C12orf50: variants seen among roughly 807,000 people sequenced by gnomAD.
C12orf50 encodes uncharacterized protein C12orf50.
Under a neutral mutation model 61.6 loss-of-function variants are expected in C12orf50, and 35 were observed. The observed-to-expected ratio is 0.57, with a 90% CI of 0.43 to 0.75. The LOEUF is 0.75. C12orf50 is among the 30% of genes least tolerant of loss of function. C12orf50 has a pLI of 0.00. For synonymous variants in C12orf50, 178 were observed against 161.5 expected (o/e 1.10, Z -0.77); for missense variants, 475 against 488.5 (o/e 0.97, Z 0.26).
At chr12:88,021,218 C>T (rs1368777041) in intron 3 of C12orf50, among the ~76,000 whole-genome samples, 1 of 151,228 alleles carries the variant, frequency 6.6e-6, no homozygotes, top group East Asian at 1.9e-4. Flanking sequence ...CACAAAAAGC[C>T]ATACAAAAGA....
chr12:88,004,582 G>A (rs2031781680), intron 3 of C12orf50, among the ~76,000 whole-genome samples: 1 of 152,122 alleles, frequency 6.6e-6, no homozygotes, highest in Non-Finnish European at 1.5e-5. Context: ...ACATGCATGT[G>A]TATGTTCATC....
chr12:88,009,428 T>A (rs1179950449), intron 3 of C12orf50, among the ~76,000 whole-genome samples: 1 of 152,100 alleles, frequency 6.6e-6, no homozygotes, highest in African/African-American at 2.4e-5. Flanking sequence ...ACATTTTAAT[T>A]TCTTCCTTTT....
intron 3 of C12orf50, among the ~76,000 whole-genome samples, chr12:88,016,044 A>T (rs796076304): frequency 6.6e-6 from 1 of 152,182 alleles, no homozygotes; most frequent in African/African-American, 2.4e-5. Flanking sequence ...TACTGGAAGA[A>T]CACAGCCGGT....
intron 5 of C12orf50, 32 bp downstream of exon 5, chr12:87,996,537 A>C (rs751501906): frequency 6.3e-7 from 1 of 1,592,668 alleles, no homozygotes; most frequent in Non-Finnish European, 8.6e-7. Flanking sequence ...CACATCAAGT[A>C]TTAGAAAATA....
At chr12:87,985,231 C>G (rs2030745982) in intron 11 of C12orf50, 1 of 152,052 alleles carries the variant, frequency 6.6e-6, no homozygotes, top group Admixed American at 6.6e-5. Context: ...GTTTAGAGAA[C>G]TGAAACCCAA....
At chr12:88,025,859 G>A (rs2032684785) in intron 3 of C12orf50, among the ~76,000 whole-genome samples, 2 of 152,190 alleles carry the variant, frequency 1.3e-5, no homozygotes, top group Admixed American at 1.3e-4. Flanking sequence ...TCTTCAGCAA[G>A]GTTCTTACCA....
chr12:87,994,764 A>T (rs1282536683), intron 6 of C12orf50, 21 bp from the exon 7 acceptor site: 2 of 1,489,742 alleles, frequency 1.3e-6, no homozygotes, highest in Non-Finnish European at 1.9e-6. Flanking sequence ...GAAGAAAAAA[A>T]AGTCACCCCA....
At chr12:88,023,180 T>G (rs999856256) in intron 3 of C12orf50, among the ~76,000 whole-genome samples, 1 of 151,972 alleles carries the variant, frequency 6.6e-6, no homozygotes, top group Non-Finnish European at 1.5e-5. Context: ...TGGAATAGAA[T>G]AGAAAGTCTA....
chr12:87,985,796 C>A, intron 11 of C12orf50, 54 bp downstream of exon 11: 1 of 1,579,282 alleles, frequency 6.3e-7, no homozygotes, highest in Non-Finnish European at 8.7e-7. Context: ...TCAAGAAATT[C>A]CATGGGAATG....
chr12:88,011,901 G>C (rs181269558), intron 3 of C12orf50, among the ~76,000 whole-genome samples: 2 of 152,076 alleles, frequency 1.3e-5, no homozygotes, highest in African/African-American at 4.8e-5. Flanking sequence ...CCTTAAAACC[G>C]GTAATATACT....
At chr12:88,008,868 A>T (rs997257649) in intron 3 of C12orf50, among the ~76,000 whole-genome samples, 2 of 152,166 alleles carry the variant, frequency 1.3e-5, no homozygotes, top group African/African-American at 4.8e-5. Context: ...CTAAACATAA[A>T]GTTTAATTTT....
In C12orf50 at chr12:87,985,874, C is replaced by T. The variant is rs1455692948; in HGVS notation, c.1102G>A (p.Glu368Lys). 1 of 1,613,070 alleles carries T rather than the reference C, an allele frequency of 6.2e-7. No homozygotes were observed. The highest frequency in any genetic ancestry group is 8.5e-7 in the Non-Finnish European group (1 of 1,179,816). ...GSYNKVHANR[E>K]PKPNLSPDKY... is the part of the protein sequence containing the mutation. The stretch of plus-strand genomic sequence containing the variant: ...CCTGGACTGAGGTTGGGTTTGGGTT[C>T]CCTGTTAGCATGGACTTTATTGTAG... The change falls in exon 11 of 13, where the codon GAA (glutamate) becomes AAA (lysine). Residue 368 changes from glutamate to lysine, a missense_variant. Glu to Lys is a moderately conservative substitution (Grantham distance 56). Coordinates refer to ENST00000298699, the MANE Select transcript of C12orf50 (RefSeq NM_152589.3).
chr12:88,028,220 ACT>A (rs1440926950), intron 1 of C12orf50, among the ~76,000 whole-genome samples: 1 of 152,046 alleles, frequency 6.6e-6, no homozygotes, highest in Non-Finnish European at 1.5e-5. Context: ...TAGACAAAAC[ACT>A]CTGCCCACCT....
chr12:87,996,412 A>G lies in C12orf50; in HGVS notation c.443T>C (p.Leu148Ser), dbSNP rs61737264. The change falls in exon 6 of 13, where the codon TTA becomes TCA. Residue 148 changes from leucine to serine, a missense_variant. By Grantham distance (145) the Leu-to-Ser change is moderately radical. Coordinates refer to ENST00000298699, the MANE Select transcript of C12orf50 (RefSeq NM_152589.3). ...ACTGCCATTTTCCAAAGGCTTTTCT[A>G]ACTGTTTTTCTGCTGTAGGTGTCAT... ...KSMTPTAEKQ[L>S]EKPLENGSEL... 3.0e-3 allele frequency: 4,790 copies of G among 1,613,168 alleles called. 124 individuals carry two copies. In the African/African-American group the frequency reaches 0.056, roughly 19 times the overall value.
intron 3 of C12orf50, among the ~76,000 whole-genome samples, chr12:88,022,287 T>G (rs752827365): frequency 4.6e-5 from 7 of 152,088 alleles, no homozygotes; most frequent in Non-Finnish European, 1.0e-4. Flanking sequence ...AAAAGGCTTT[T>G]AATAAAATTC....
Position 87,983,186 on chromosome 12 carries a change from G to T in C12orf50, c.1136C>A (p.Thr379Lys). 6.3e-7 allele frequency: 1 copy of T among 1,588,642 alleles called. No homozygotes were observed. Among genetic ancestry groups the T allele is most frequent in the Non-Finnish European group, 8.6e-7 (1 of 1,165,966 alleles). ...PKPNLSPDKY[T>K]STSYNDSAWR... is the part of the protein sequence containing the mutation. Reference sequence around the variant, plus strand: ...GGCTGAATCATTATATGATGTTGACGTATATTTGTCTGAGGGAAAAAAATC... The same window carrying T: ...GGCTGAATCATTATATGATGTTGACTTATATTTGTCTGAGGGAAAAAAATC... Residue 379 changes from threonine (T) to lysine (K), a missense_variant, in exon 12 of 13, where the codon ACG (threonine) becomes AAG (lysine). Coordinates refer to ENST00000298699, the MANE Select transcript of C12orf50 (RefSeq NM_152589.3).
intron 3 of C12orf50, among the ~76,000 whole-genome samples, chr12:87,999,304 A>T (rs545256296): frequency 4.5e-4 from 69 of 152,320 alleles, no homozygotes; most frequent in African/African-American, 1.6e-3. Context: ...GCACACCTGT[A>T]GTCCCAGCTA....
chr12:88,008,618 A>AT (rs1241850475), intron 3 of C12orf50, among the ~76,000 whole-genome samples: 4 of 152,068 alleles, frequency 2.6e-5, no homozygotes, highest in Non-Finnish European at 5.9e-5. Flanking sequence ...TTGCTTAAGC[A>AT]TTTTTTACCT....
intron 3 of C12orf50, among the ~76,000 whole-genome samples, chr12:88,006,019 C>T (rs1174648901): frequency 2.0e-5 from 3 of 151,268 alleles, no homozygotes; most frequent in Non-Finnish European, 4.4e-5. Context: ...CGGGTTCACG[C>T]CATTCTCCTG....
Sources: gnomAD v4.1 joint callset for allele counts (sites outside exome capture counted in the v4.1 genomes callset) on GRCh38, gnomAD v4.1.1 for gene constraint, MANE v1.5 for transcripts, NCBI Gene and HGNC (gene_info 2026-07-23, HGNC 2026-07-21) for gene names.